The following LRFN5 variants were observed in gnomAD, a reference collection of about 807,000 sequenced individuals.
LRFN5 encodes leucine rich repeat and fibronectin type III domain containing 5.
Under a neutral mutation model 45.6 loss-of-function variants are expected in LRFN5, and 24 were observed. The observed-to-expected ratio is 0.53, with a 90% CI of 0.38 to 0.74. LRFN5 has a LOEUF of 0.74. Among genes scored for constraint, LRFN5 ranks in the 30% least tolerant of loss-of-function variants. The pLI, the probability that LRFN5 is intolerant of heterozygous loss-of-function variation, is 0.00. For synonymous variants in LRFN5, 340 were observed against 313.8 expected, an observed-to-expected ratio of 1.08 and a Z score of -0.88; for missense variants, 776 against 861.5, an observed-to-expected ratio of 0.90 and a Z score of 1.24.
intron 2 of LRFN5, among the ~76,000 whole-genome samples, chr14:41,845,610 C>A (rs867059854): frequency 6.6e-6 from 1 of 152,002 alleles, no homozygotes; most frequent in African/African-American, 2.4e-5. Flanking sequence ...CTAATTCTGA[C>A]ATATATAAAT....
At chr14:41,736,361 G>C (rs144116664) in intron 1 of LRFN5, among the ~76,000 whole-genome samples, 209 of 152,320 alleles carry the variant, frequency 1.4e-3, no homozygotes, top group African/African-American at 4.9e-3. Context: ...AACCAGTGAT[G>C]ATGAGCTTTT....
At chr14:41,617,513 T>TAATA in intron 1 of LRFN5, among the ~76,000 whole-genome samples, 1 of 152,276 alleles carries the variant, frequency 6.6e-6, no homozygotes, top group Non-Finnish European at 1.5e-5. Context: ...TAGTCTCCTT[T>TAATA]AAGGATTATG....
At chr14:41,856,677 T>TATTATTATTATTATTATTATTA (rs1555326983) in intron 2 of LRFN5, among the ~76,000 whole-genome samples, 2 of 14,380 alleles carry the variant, frequency 1.4e-4, no homozygotes, top group African/African-American at 3.1e-4. Flanking sequence ...TTATTATTAT[T>TATTATTATTATTATTATTATTA]TTTTTTTTTT....
Position 41,692,661 on chromosome 14 carries a change from C to T in LRFN5, c.-196-74193C>T, listed in dbSNP as rs566173572. Among the ~76,000 whole-genome samples, 15 of 152,034 alleles carry T rather than the reference C, an allele frequency of 9.9e-5. No homozygotes were observed. In the East Asian group the frequency reaches 2.7e-3, roughly 27 times the overall value. On this transcript the variant is annotated intron_variant, in intron 1 of 5. Transcript: ENST00000298119. The stretch of plus-strand genomic sequence containing the variant: ...ATTCCCACCTATGAGTGAGAACATG[C>T]GGTGTTTGGTTTTTTGTCCTTGCGA...
At chr14:41,674,513 T>C (rs1222494303) in intron 1 of LRFN5, among the ~76,000 whole-genome samples, 116 of 108,282 alleles carry the variant, frequency 1.1e-3, no homozygotes, top group African/African-American at 3.6e-3. Context: ...GGCTGACCCC[T>C]CCACCTCTCT....
At position 41,720,008 on chromosome 14, in the gene LRFN5, T is replaced by G. The variant is rs111234479; in HGVS notation, c.-196-46846T>G. On this transcript the variant is annotated intron_variant, in intron 1 of 5. Transcript: ENST00000298119. ...TTTCATTTTAGATTCAAGGGGTACATGTGCAGGTTTGTCATATGAGTATAT... is the reference window on the plus strand; with the variant it reads ...TTTCATTTTAGATTCAAGGGGTACAGGTGCAGGTTTGTCATATGAGTATAT... 5.7e-4 allele frequency among the ~76,000 whole-genome samples: 87 copies of G among 152,172 alleles called. 2 individuals are homozygous for G. In the Middle Eastern group the frequency reaches 0.017, roughly 30 times the overall value.
intron 1 of LRFN5, among the ~76,000 whole-genome samples, chr14:41,636,615 TA>T (rs76637605): frequency 0.011 from 1,570 of 143,536 alleles, 20 homozygotes; most frequent in African/African-American, 0.034. Flanking sequence ...AAAGTATAAT[TA>T]AAAAAAAAAA....
chr14:41,859,247 A>G (rs1439576192), intron 2 of LRFN5, among the ~76,000 whole-genome samples: 2 of 152,206 alleles, frequency 1.3e-5, no homozygotes, highest in African/African-American at 2.4e-5. Context: ...GCTACATGTC[A>G]TGAAAAATCA....
At chr14:41,707,528 A>AT (rs1883115250) in intron 1 of LRFN5, among the ~76,000 whole-genome samples, 1 of 152,142 alleles carries the variant, frequency 6.6e-6, no homozygotes, top group Non-Finnish European at 1.5e-5. Context: ...TTAGTAAATG[A>AT]TGAAACTCAT....
intron 2 of LRFN5, among the ~76,000 whole-genome samples, chr14:41,786,602 C>A (rs1023054892): frequency 2.1e-5 from 3 of 139,674 alleles, no homozygotes; most frequent in Non-Finnish European, 3.1e-5. Flanking sequence ...TTTAAGATTT[C>A]TTTGCTTGGG....
At chr14:41,644,633 A>T (rs954283886) in intron 1 of LRFN5, among the ~76,000 whole-genome samples, 11 of 152,068 alleles carry the variant, frequency 7.2e-5, no homozygotes, top group Non-Finnish European at 1.3e-4. Flanking sequence ...GCAGAGGTTG[A>T]ATTAAACCCT....
intron 1 of LRFN5, among the ~76,000 whole-genome samples, chr14:41,636,878 G>C (rs1407812505): frequency 6.6e-6 from 1 of 152,158 alleles, no homozygotes; most frequent in Non-Finnish European, 1.5e-5. Flanking sequence ...GGCCCCACTT[G>C]CACCAGAGCT....
rs766093317 is a variant in LRFN5, at chr14:41,886,674, G to C, written c.49G>C (p.Ala17Pro). The C allele has an allele frequency of 6.2e-7, 1 of 1,610,274 alleles. No homozygotes were observed. Among genetic ancestry groups the C allele is most frequent in the Admixed American group, 1.7e-5 (1 of 59,044 alleles). Residue 17 changes from alanine (A) to proline (P), a missense_variant, in exon 3 of 6, where the codon GCT becomes CCT. By Grantham distance (27) the Ala-to-Pro change is conservative. This residue lies in a region of LRFN5 where 311 missense variants were observed against 405.1 expected (regional missense o/e 0.77). Coordinates refer to ENST00000298119, the MANE Select transcript of LRFN5 (RefSeq NM_152447.5). ...GTTTCTCATTGGCATAGCAGTGAAA[G>C]CTCAGATCTGTCCAAAGCGTTGTGT... ...YLFLIGIAVK[A>P]QICPKRCVCQ...
chr14:41,878,399 A>G (rs192441205), intron 2 of LRFN5, among the ~76,000 whole-genome samples: 2 of 152,270 alleles, frequency 1.3e-5, no homozygotes, highest in African/African-American at 4.8e-5. Flanking sequence ...GTTTCTGCAG[A>G]GAATAGGCTT....
At chr14:41,816,998 G>GTTTTTTT (rs200326943) in intron 2 of LRFN5, among the ~76,000 whole-genome samples, 1 of 130,000 alleles carries the variant, frequency 7.7e-6, no homozygotes, top group African/African-American at 2.9e-5. Flanking sequence ...AATGTGGGAA[G>GTTTTTTT]TTTTTTTTTT....
intron 2 of LRFN5, among the ~76,000 whole-genome samples, chr14:41,834,844 G>A (rs960457970): frequency 6.6e-6 from 1 of 151,564 alleles, no homozygotes; most frequent in Non-Finnish European, 1.5e-5. Flanking sequence ...CGTATTTTTT[G>A]TGGAGATGAG....
chr14:41,670,203 C>CTA (rs1555352820), intron 1 of LRFN5, among the ~76,000 whole-genome samples: 7 of 113,512 alleles, frequency 6.2e-5, no homozygotes, highest in Admixed American at 2.8e-4. Context: ...TATACATTCT[C>CTA]TGTGTGTGTG....
rs576225798 is a variant in LRFN5, at chr14:41,834,403, A to G, written c.-20-52203A>G. 8.5e-5 allele frequency among the ~76,000 whole-genome samples: 13 copies of G among 152,294 alleles called. No homozygotes were observed. In the South Asian group the frequency reaches 2.1e-3, roughly 24 times the overall value. On this transcript the variant is annotated intron_variant, in intron 2 of 5. Transcript: ENST00000298119. ...AGCTAAACTCAAGGCTCAAATCACC[A>G]TATTGAATGAGATCTGTATTTACTT... is the stretch of plus-strand genomic sequence containing the variant.
In LRFN5 at chr14:41,887,283, C is replaced by T; in HGVS notation, c.658C>T (p.Gln220Ter). Residue 220 changes from glutamine (Q) to a stop codon, truncating the protein, a stop_gained, in exon 3 of 6, where the codon CAG (glutamine) becomes TAG (stop). Transcript: ENST00000298119. LOFTEE classifies it high-confidence loss of function. The surrounding 1 kb of genome is among the most constrained non-coding windows in gnomAD (Gnocchi z 4.8). ...ACCTGACCCTCTCTTTCAGCGAGCT[C>T]AGGTACTAGCAACCTCAGGAATCAT... is the stretch of plus-strand genomic sequence containing the variant. The part of the protein sequence containing the change: ...LPPDPLFQRA[Q>*]VLATSGIISP... The T allele has an allele frequency of 6.2e-7, 1 of 1,614,224 alleles. No homozygotes were observed. The highest frequency in any genetic ancestry group is 8.5e-7 in the Non-Finnish European group (1 of 1,180,048).
Sources: gnomAD v4.1 joint callset for allele counts (sites outside exome capture counted in the v4.1 genomes callset) on GRCh38, gnomAD v4.1.1 for gene constraint, gnomAD v4.1.1 regional missense constraint, Gnocchi (gnomAD v3.1) non-coding constraint, MANE v1.5 for transcripts, NCBI Gene and HGNC (gene_info 2026-07-23, HGNC 2026-07-21) for gene names.